RFX3: variants seen among roughly 807,000 people sequenced by gnomAD.
The protein encoded by RFX3 is regulatory factor X3.
RFX3 carries 14 observed loss-of-function variants against 98.6 expected under a neutral mutation model. The observed-to-expected ratio is 0.14, with a 90% CI of 0.09 to 0.22. The LOEUF (loss-of-function observed/expected upper bound fraction) is 0.22. RFX3 is among the 10% of genes least tolerant of loss of function. The pLI, the probability that RFX3 is intolerant of heterozygous loss-of-function variation, is 1.00. For missense variants in RFX3, 639 were observed against 926.9 expected (o/e 0.69, Z 4.03); for synonymous variants, 383 against 328.4 (o/e 1.17, Z -1.80).
At chr9:3,395,376 A>T in intron 2 of RFX3, 96 bp downstream of exon 2, 1 of 1,403,708 alleles carries the variant, frequency 7.1e-7, no homozygotes, top group Non-Finnish European at 9.9e-7. Context: ...TATCATAGCA[A>T]GACAGTAAAG....
chr9:3,296,864 G>T (rs1586927096), intron 5 of RFX3, among the ~76,000 whole-genome samples: 1 of 152,200 alleles, frequency 6.6e-6, no homozygotes, highest in East Asian at 1.9e-4. Context: ...TGTATTAACA[G>T]AAATTGATTT....
chr9:3,453,193 T>A (rs999302043), intron 1 of RFX3, among the ~76,000 whole-genome samples: 1 of 152,054 alleles, frequency 6.6e-6, no homozygotes, highest in Non-Finnish European at 1.5e-5. Flanking sequence ...GAGATCTGAT[T>A]AATCACTCTG....
At chr9:3,410,439 T>G (rs1001730139) in intron 1 of RFX3, among the ~76,000 whole-genome samples, 2 of 152,088 alleles carry the variant, frequency 1.3e-5, no homozygotes, top group African/African-American at 4.8e-5. Context: ...CTATTTATAC[T>G]GAAATAAATA....
intron 3 of RFX3, among the ~76,000 whole-genome samples, chr9:3,333,611 C>A (rs76412808): frequency 0.021 from 3,210 of 152,042 alleles, 117 homozygotes; most frequent in African/African-American, 0.073. Flanking sequence ...GAAATGAGGT[C>A]ATTTTAATTT....
chr9:3,388,248 A>G lies in RFX3; in HGVS notation c.117+7224T>C, dbSNP rs190027215. 7.9e-5 allele frequency among the ~76,000 whole-genome samples: 12 copies of G among 152,216 alleles called. No homozygotes were observed. In the East Asian group the frequency reaches 1.3e-3, roughly 17 times the overall value. ...TATTACACTTAAATTACTAAAATCT[A>G]TTTCCTAAAGATTAACAGATCATTT... On this transcript the variant is annotated intron_variant, in intron 2 of 16. Transcript: ENST00000617270.
chr9:3,250,663 C>T (rs559591995), intron 14 of RFX3, among the ~76,000 whole-genome samples: 25 of 151,552 alleles, frequency 1.6e-4, no homozygotes, highest in African/African-American at 4.8e-4. Context: ...TAATGAGAAA[C>T]TAGGAAAAGA....
At chr9:3,274,459 T>G (rs1824934449) in intron 9 of RFX3, among the ~76,000 whole-genome samples, 1 of 152,106 alleles carries the variant, frequency 6.6e-6, no homozygotes, top group South Asian at 2.1e-4. Flanking sequence ...CATTATCCCC[T>G]TTTTGCCAGG....
chr9:3,509,757 G>A (rs909336355), intron 1 of RFX3, among the ~76,000 whole-genome samples: 5 of 151,842 alleles, frequency 3.3e-5, no homozygotes, highest in African/African-American at 7.3e-5. Flanking sequence ...TAGATAAACA[G>A]TTACTTAAAA....
At chr9:3,366,715 TTTCTTTC>T (rs1554681372) in intron 2 of RFX3, among the ~76,000 whole-genome samples, 3 of 141,806 alleles carry the variant, frequency 2.1e-5, no homozygotes, top group Admixed American at 1.4e-4. Context: ...TCTTTCTTTC[TTTCTTTC>T]TTTCTTTCTT....
chr9:3,334,792 A>C lies in RFX3; in HGVS notation c.216-4275T>G, dbSNP rs867232441. Among the ~76,000 whole-genome samples, 4 of 152,132 alleles carry C rather than the reference A, an allele frequency of 2.6e-5. No homozygotes were observed. In the South Asian group the frequency reaches 6.2e-4, roughly 24 times the overall value. On this transcript the variant is annotated intron_variant, in intron 3 of 16. Transcript: ENST00000617270. ...GCAGTTGGAAATGGGGGAGACTTTC[A>C]AACACTGGGTTGAGTAATACAGGCT...
intron 2 of RFX3, chr9:3,394,689 G>C (rs1298032195): frequency 6.8e-6 from 2 of 294,038 alleles, no homozygotes; most frequent in African/African-American, 2.3e-5. Context: ...AGCAACGTTT[G>C]CTAAAGAGTC....
At chr9:3,312,598 T>G (rs1475386013) in intron 4 of RFX3, among the ~76,000 whole-genome samples, 1 of 149,448 alleles carries the variant, frequency 6.7e-6, no homozygotes, top group Non-Finnish European at 1.5e-5. Context: ...AGCAGGGGGA[T>G]TGAGGTTCCA....
At chr9:3,387,531 A>G (rs978546671) in intron 2 of RFX3, among the ~76,000 whole-genome samples, 2 of 152,152 alleles carry the variant, frequency 1.3e-5, no homozygotes, top group African/African-American at 4.8e-5. Flanking sequence ...GTAAATCAGC[A>G]TGGTCCTCCA....
intron 2 of RFX3, chr9:3,364,393 A>G: frequency 4.6e-6 from 1 of 218,618 alleles, no homozygotes. Flanking sequence ...TCTACCTTTT[A>G]CAAAATGGGC....
At chr9:3,473,108 A>AT (rs1292358057) in intron 1 of RFX3, among the ~76,000 whole-genome samples, 2 of 152,292 alleles carry the variant, frequency 1.3e-5, no homozygotes, top group East Asian at 3.9e-4. Context: ...CGACTTATAT[A>AT]TCCCTTAAGA....
intron 15 of RFX3, among the ~76,000 whole-genome samples, chr9:3,245,101 A>G (rs1218759419): frequency 2.6e-5 from 4 of 152,228 alleles, no homozygotes; most frequent in African/African-American, 9.6e-5. Context: ...ATCTTTGACT[A>G]TACAAATCAA....
rs1407191896 is a variant in RFX3 at position 3,395,501 on chromosome 9, C to T, written c.88G>A (p.Val30Met). The stretch of plus-strand genomic sequence containing the variant: ...TGTTGTACTGGTACTTGCTGTACCA[C>T]CTGCGTAGGCACTGCTGCTTGACTA... ...VASQAAVPTQ[V>M]VQQVPVQQQV... The change falls in exon 2 of 17, where the codon GTG becomes ATG. Residue 30 changes from valine to methionine, a missense_variant. Around this residue, in one of 9 missense-constraint regions of RFX3, gnomAD observed 210 missense variants for 197.7 expected, o/e 1.06. Transcript: ENST00000617270. 3 of 1,613,898 alleles carry T rather than the reference C, an allele frequency of 1.9e-6. No homozygotes were observed. The highest frequency in any genetic ancestry group is 1.1e-5 in the South Asian group (1 of 91,076).
chr9:3,424,023 T>A (rs906922555), intron 1 of RFX3, among the ~76,000 whole-genome samples: 1 of 151,110 alleles, frequency 6.6e-6, no homozygotes, highest in African/African-American at 2.4e-5. Flanking sequence ...GGCAGGTGCC[T>A]GTAGTCCCAG....
At chr9:3,508,239 T>A (rs1204146615) in intron 1 of RFX3, among the ~76,000 whole-genome samples, 1 of 151,988 alleles carries the variant, frequency 6.6e-6, no homozygotes, top group African/African-American at 2.4e-5. Context: ...AATACAGCAG[T>A]CTAGTATTTA....
Sources: gnomAD v4.1 joint callset for allele counts (sites outside exome capture counted in the v4.1 genomes callset) on GRCh38, gnomAD v4.1.1 for gene constraint, gnomAD v4.1.1 regional missense constraint, MANE v1.5 for transcripts, NCBI Gene and HGNC (gene_info 2026-07-23, HGNC 2026-07-21) for gene names.